The following GMDS variants were observed in gnomAD, a reference collection of about 807,000 sequenced individuals.
GMDS encodes GDP-mannose 4,6 dehydratase.
A neutral mutation model predicts 49.9 loss-of-function variants in GMDS; 20 were observed. The ratio of observed to expected loss-of-function variants is 0.40; its 90% CI spans 0.28 to 0.58. The LOEUF (loss-of-function observed/expected upper bound fraction) is 0.58. Ranked by LOEUF, GMDS falls within the 20% of genes least tolerant of loss-of-function variation. The probability of loss-of-function intolerance (pLI) is 0.42; values close to 1 mark genes in which losing one functional copy is unlikely to be tolerated. For synonymous variants in GMDS, 177 were observed against 178.6 expected, an observed-to-expected ratio of 0.99 and a Z score of 0.07; for missense variants, 362 against 481.4, an observed-to-expected ratio of 0.75 and a Z score of 2.32.
At chr6:2,079,017 G>GCCTTTTTT (rs1772508004) in intron 4 of GMDS, among the ~76,000 whole-genome samples, 1 of 23,206 alleles carries the variant, frequency 4.3e-5, no homozygotes, top group Non-Finnish European at 1.1e-4. Flanking sequence ...TAATGACCTT[G>GCCTTTTTT]TCTTTTTTTT....
chr6:2,197,861 G>A (rs991048218), intron 1 of GMDS, among the ~76,000 whole-genome samples: 1 of 152,152 alleles, frequency 6.6e-6, no homozygotes, highest in African/African-American at 2.4e-5. Context: ...GGGCTAAAAG[G>A]CAGATTTTAC....
chr6:1,935,139 A>G (rs1762464224), intron 6 of GMDS, among the ~76,000 whole-genome samples: 1 of 152,234 alleles, frequency 6.6e-6, no homozygotes, highest in South Asian at 2.1e-4. Context: ...AGGACTAAGA[A>G]AAGTTAGCTC....
intron 9 of GMDS, among the ~76,000 whole-genome samples, chr6:1,722,801 G>A (rs995880602): frequency 6.6e-6 from 1 of 152,182 alleles, no homozygotes; most frequent in African/African-American, 2.4e-5. Flanking sequence ...ATAAATCTGT[G>A]CATCAGTGTA....
intron 4 of GMDS, among the ~76,000 whole-genome samples, chr6:2,088,620 T>C (rs1452397440): frequency 6.6e-6 from 1 of 152,202 alleles, no homozygotes; most frequent in Non-Finnish European, 1.5e-5. Context: ...AATGACATTG[T>C]TACTGGCTCT....
In GMDS at chr6:2,077,340, G is replaced by C. The variant is rs1772404532; in HGVS notation, c.345+38431C>G. On this transcript the variant is annotated intron_variant, in intron 4 of 10. Coordinates refer to ENST00000380815, the MANE Select transcript of GMDS (RefSeq NM_001500.4). The stretch of plus-strand genomic sequence containing the variant: ...ATGTAGAATAGGAGTGGTGAAAATG[G>C]GCATCCTGGTATTGTTTCTGTTCCT... 2.0e-5 allele frequency among the ~76,000 whole-genome samples: 3 copies of C among 151,986 alleles called. No homozygotes were observed. In the South Asian group the frequency reaches 6.2e-4, roughly 31 times the overall value.
intron 4 of GMDS, among the ~76,000 whole-genome samples, chr6:2,086,032 G>C (rs1430433742): frequency 6.6e-6 from 1 of 152,226 alleles, no homozygotes; most frequent in Non-Finnish European, 1.5e-5. Context: ...TCTTCACAGA[G>C]AGTGTGGCAC....
chr6:1,944,419 G>C (rs1488525708), intron 6 of GMDS, among the ~76,000 whole-genome samples: 1 of 151,960 alleles, frequency 6.6e-6, no homozygotes, highest in African/African-American at 2.4e-5. Context: ...GCAGGAGAAT[G>C]GCGTGAATCT....
chr6:2,153,552 A>T (rs1776950798), intron 1 of GMDS, among the ~76,000 whole-genome samples: 1 of 152,188 alleles, frequency 6.6e-6, no homozygotes, highest in Non-Finnish European at 1.5e-5. Flanking sequence ...AAGAGAAATG[A>T]GTTCATATAT....
chr6:1,633,778 G>C (rs538461224), intron 9 of GMDS, among the ~76,000 whole-genome samples: 4 of 152,180 alleles, frequency 2.6e-5, no homozygotes, highest in Non-Finnish European at 5.9e-5. Context: ...GAGGGACACA[G>C]AGGCAGGCAC....
intron 4 of GMDS, among the ~76,000 whole-genome samples, chr6:2,018,735 AT>A (rs1768058693): frequency 6.6e-6 from 1 of 152,222 alleles, no homozygotes; most frequent in African/African-American, 2.4e-5. Context: ...TTATCCATCA[AT>A]AAATGAACAT....
At chr6:1,858,330 G>A (rs1758031053) in intron 7 of GMDS, among the ~76,000 whole-genome samples, 1 of 152,036 alleles carries the variant, frequency 6.6e-6, no homozygotes, top group Non-Finnish European at 1.5e-5. Context: ...AATGCCCTAG[G>A]GAAGTTATAA....
chr6:1,756,265 G>GTT (rs142574141), intron 7 of GMDS, among the ~76,000 whole-genome samples: 29 of 140,396 alleles, frequency 2.1e-4, no homozygotes, highest in African/African-American at 4.2e-4. Flanking sequence ...TTTTGTTCTG[G>GTT]TTTTTTTTTT....
chr6:2,169,892 C>T (rs1184449920), intron 1 of GMDS, among the ~76,000 whole-genome samples: 2 of 151,918 alleles, frequency 1.3e-5, no homozygotes, highest in South Asian at 2.1e-4. Flanking sequence ...TCAGAAGGTG[C>T]TATCTGGTGG....
At chr6:1,719,675 G>A (rs951236217) in intron 9 of GMDS, among the ~76,000 whole-genome samples, 1 of 151,426 alleles carries the variant, frequency 6.6e-6, no homozygotes, top group African/African-American at 2.4e-5. Context: ...AGAGGTCATC[G>A]GCCAAAGATG....
chr6:1,960,753 G>C (rs111456132), intron 5 of GMDS, 21 bp downstream of exon 5: 2 of 1,506,672 alleles, frequency 1.3e-6, no homozygotes, highest in African/African-American at 2.7e-5. Flanking sequence ...CATGTGCTCC[G>C]GTGTGCACGC....
chr6:1,933,836 T>C (rs1581384800), intron 6 of GMDS, among the ~76,000 whole-genome samples: 1 of 152,250 alleles, frequency 6.6e-6, no homozygotes, highest in African/African-American at 2.4e-5. Flanking sequence ...TTCACTTTCT[T>C]GGTTGTGCTC....
intron 4 of GMDS, among the ~76,000 whole-genome samples, chr6:2,025,101 T>C (rs1237990907): frequency 6.6e-6 from 1 of 152,014 alleles, no homozygotes; most frequent in East Asian, 1.9e-4. Flanking sequence ...TGTAGGAATA[T>C]TATAGTCTTC....
At chr6:2,179,417 A>T (rs1391519663) in intron 1 of GMDS, among the ~76,000 whole-genome samples, 1 of 152,210 alleles carries the variant, frequency 6.6e-6, no homozygotes, top group East Asian at 1.9e-4. Flanking sequence ...TAGTATTAAG[A>T]GGAAACACCT....
intron 4 of GMDS, among the ~76,000 whole-genome samples, chr6:1,973,378 T>C (rs1389727982): frequency 6.6e-6 from 1 of 152,160 alleles, no homozygotes; most frequent in African/African-American, 2.4e-5. Flanking sequence ...TGAGTTAACA[T>C]CCCCAAGCTC....
Sources: allele counts gnomAD v4.1 joint callset (sites outside exome capture counted in the v4.1 genomes callset), GRCh38; gene constraint gnomAD v4.1.1; transcripts MANE v1.5; gene names NCBI Gene and HGNC (gene_info 2026-07-23, HGNC 2026-07-21).